The following CDH8 variants were observed in gnomAD, a reference collection of about 807,000 sequenced individuals.
CDH8 encodes cadherin-8.
Under a neutral mutation model 68.1 loss-of-function variants are expected in CDH8, and 17 were observed. That is an observed-to-expected ratio of 0.25 (90% CI 0.17 to 0.37). The LOEUF (loss-of-function observed/expected upper bound fraction) is 0.37. Ranked by LOEUF, CDH8 falls within the 10% of genes least tolerant of loss-of-function variation. The pLI, the probability that CDH8 is intolerant of heterozygous loss-of-function variation, is 1.00. For synonymous variants in CDH8, 372 were observed against 365.1 expected, an observed-to-expected ratio of 1.02 and a Z score of -0.21; for missense variants, 763 against 999.3, an observed-to-expected ratio of 0.76 and a Z score of 3.19.
intron 2 of CDH8, among the ~76,000 whole-genome samples, chr16:61,921,765 C>T (rs1034964759): frequency 4.6e-5 from 7 of 152,308 alleles, no homozygotes; most frequent in African/African-American, 1.7e-4. Context: ...AGCTGCATGG[C>T]TCACGCCTTT....
intron 3 of CDH8, among the ~76,000 whole-genome samples, chr16:61,873,995 G>A (rs373136885): frequency 7.9e-5 from 12 of 152,022 alleles, no homozygotes; most frequent in Admixed American, 1.3e-4. Flanking sequence ...GGCGGAGGTC[G>A]TAGTGAGCCA....
intron 10 of CDH8, among the ~76,000 whole-genome samples, chr16:61,678,047 C>A (rs1330560350): frequency 6.6e-6 from 1 of 152,016 alleles, no homozygotes; most frequent in Admixed American, 6.6e-5. Flanking sequence ...TCCCGACGTT[C>A]CTTTCTATTG....
chr16:61,716,101 T>G (rs914916929), intron 9 of CDH8, among the ~76,000 whole-genome samples: 2 of 151,638 alleles, frequency 1.3e-5, no homozygotes, highest in African/African-American at 4.8e-5. Context: ...ATATGGAGAA[T>G]AAGGGCAAAT....
At chr16:61,678,120 C>T (rs1240804936) in intron 10 of CDH8, among the ~76,000 whole-genome samples, 1 of 152,024 alleles carries the variant, frequency 6.6e-6, no homozygotes, top group African/African-American at 2.4e-5. Context: ...AACCTGGAAT[C>T]TCCCACCTGC....
chr16:61,741,981 C>G (rs1959885223), intron 8 of CDH8, among the ~76,000 whole-genome samples: 1 of 152,052 alleles, frequency 6.6e-6, no homozygotes, highest in Non-Finnish European at 1.5e-5. Context: ...ACATTTGAAT[C>G]TTTCAAATTG....
At chr16:61,908,038 G>C (rs1293595386) in intron 2 of CDH8, among the ~76,000 whole-genome samples, 1 of 88,882 alleles carries the variant, frequency 1.1e-5, no homozygotes, top group Admixed American at 1.4e-4. Context: ...GTGAGACTCA[G>C]TCTCAAAAAA....
chr16:61,940,833 T>A (rs1229226039), intron 2 of CDH8: 1 of 152,226 alleles, frequency 6.6e-6, no homozygotes, highest in Non-Finnish European at 1.5e-5. Context: ...ACGGAACACC[T>A]GGAGAGATGC....
rs545477937 is a variant in CDH8, at chr16:61,651,459, C to T, written c.*2149G>A. 2 of 152,278 alleles carry T rather than the reference C, an allele frequency of 1.3e-5. No homozygotes were observed. The highest frequency in any genetic ancestry group is 2.4e-5 in the African/African-American group (1 of 41,552). The allele number at this position is 152,278 out of a possible 1,614,324, so 9.4% of individuals were successfully genotyped here. A position where few individuals can be genotyped will look rare whatever the true frequency, so the allele number is the denominator to read the frequency against. On this transcript the variant is annotated 3_prime_UTR_variant, in exon 12 of 12. Transcript: ENST00000577390. Reference sequence around the variant, plus strand: ...ATAAATTGTTAGTATAGTATTTAAACATGCAGTTTCTGTCACAGTGAAGGT... The same window carrying T: ...ATAAATTGTTAGTATAGTATTTAAATATGCAGTTTCTGTCACAGTGAAGGT...
intron 10 of CDH8, among the ~76,000 whole-genome samples, chr16:61,664,884 A>G (rs1016797680): frequency 1.3e-5 from 2 of 152,052 alleles, no homozygotes; most frequent in African/African-American, 4.8e-5. Context: ...TTCTTCTTTG[A>G]TTATTGATAT....
At position 61,711,152 on chromosome 16, in the gene CDH8, A is replaced by G. The variant is rs367738466; in HGVS notation, c.1654+2689T>C. Among the ~76,000 whole-genome samples, 46 of 152,094 alleles carry G rather than the reference A, an allele frequency of 3.0e-4. No homozygotes were observed. The East Asian group carries it at 8.3e-3, about 28-fold the overall frequency. On this transcript the variant is annotated intron_variant, in intron 10 of 11. Transcript: ENST00000577390. ...GTAGAATTATTTGTGAAATAATTCA[A>G]CTGTGTAGGAGACAAGAGAGAGCTC...
At chr16:61,885,147 C>T (rs1963650031) in intron 3 of CDH8, among the ~76,000 whole-genome samples, 1 of 152,076 alleles carries the variant, frequency 6.6e-6, no homozygotes, top group Non-Finnish European at 1.5e-5. Context: ...TTAATGACTA[C>T]AAAGCAGACA....
chr16:61,899,357 C>T (rs546514292), intron 3 of CDH8, among the ~76,000 whole-genome samples: 7 of 152,102 alleles, frequency 4.6e-5, no homozygotes, highest in Non-Finnish European at 7.4e-5. Flanking sequence ...GTTCATAAAG[C>T]AACTGACAAT....
intron 8 of CDH8, among the ~76,000 whole-genome samples, chr16:61,768,362 CT>C (rs1960671735): frequency 3.6e-5 from 4 of 111,190 alleles, no homozygotes; most frequent in African/African-American, 1.1e-4. Flanking sequence ...CTCTCTCTCT[CT>C]CTCTCCCTTT....
At chr16:62,025,295 C>A (rs1902170562) in intron 1 of CDH8, among the ~76,000 whole-genome samples, 1 of 152,078 alleles carries the variant, frequency 6.6e-6, no homozygotes, top group African/African-American at 2.4e-5. Context: ...ATCTTTTTTC[C>A]TACCCATCAA....
chr16:61,679,311 C>T (rs1963971114), intron 10 of CDH8, among the ~76,000 whole-genome samples: 1 of 151,984 alleles, frequency 6.6e-6, no homozygotes, highest in African/African-American at 2.4e-5. Flanking sequence ...TGTCAAATCT[C>T]TGAGATGGGA....
chr16:61,716,050 G>A (rs981974737), intron 9 of CDH8, among the ~76,000 whole-genome samples: 2 of 151,620 alleles, frequency 1.3e-5, no homozygotes, highest in African/African-American at 2.4e-5. Context: ...CTAGCCCCAG[G>A]TGCAACCATT....
At position 61,729,588 on chromosome 16, in the gene CDH8, G is replaced by A. The variant is rs536872245; in HGVS notation, c.1415-2373C>T. Among the ~76,000 whole-genome samples the A allele has an allele frequency of 2.0e-5, 3 of 151,208 alleles. No individual in the cohort carries two copies. In the East Asian group the frequency reaches 5.8e-4, roughly 29 times the overall value. On this transcript the variant is annotated intron_variant, in intron 8 of 11. Coordinates refer to ENST00000577390, the MANE Select transcript of CDH8 (RefSeq NM_001796.5). ...GATTAACTTCTTTTTGTAATTCTCT[G>A]TTTTAATTCCAAGAATTGCCGGTTA...
intron 8 of CDH8, among the ~76,000 whole-genome samples, chr16:61,780,147 T>A (rs1043747406): frequency 6.6e-6 from 1 of 152,204 alleles, no homozygotes; most frequent in Non-Finnish European, 1.5e-5. Flanking sequence ...TTTCAGTTTA[T>A]TTTCTCATTG....
intron 10 of CDH8, among the ~76,000 whole-genome samples, chr16:61,663,034 A>G (rs1286992189): frequency 6.6e-6 from 1 of 152,032 alleles, no homozygotes; most frequent in Non-Finnish European, 1.5e-5. Context: ...TGTACAAAAG[A>G]TCTTCATGGG....
Sources: allele counts gnomAD v4.1 joint callset (sites outside exome capture counted in the v4.1 genomes callset), GRCh38; gene constraint gnomAD v4.1.1; transcripts MANE v1.5; gene names NCBI Gene and HGNC (gene_info 2026-07-23, HGNC 2026-07-21).